SEMA5A: variants seen among roughly 807,000 people sequenced by gnomAD.
SEMA5A encodes the protein semaphorin-5A.
SEMA5A carries 55 observed loss-of-function variants against 135.5 expected under a neutral mutation model. The observed-to-expected ratio is 0.41, with a 90% CI of 0.33 to 0.51. The LOEUF is 0.51. SEMA5A is among the 20% of genes least tolerant of loss of function. SEMA5A has a pLI of 0.37. For missense variants in SEMA5A, 1,290 were observed against 1,419.9 expected (o/e 0.91, Z 1.47); for synonymous variants, 580 against 546.5 (o/e 1.06, Z -0.85).
intron 12 of SEMA5A, among the ~76,000 whole-genome samples, chr5:9,150,405 A>G (rs530251336): frequency 2.2e-4 from 33 of 152,312 alleles, no homozygotes; most frequent in Non-Finnish European, 3.8e-4. Context: ...CCCAGAGATC[A>G]CCACCAATTC....
At chr5:9,132,036 C>A (rs933995571) in intron 13 of SEMA5A, among the ~76,000 whole-genome samples, 1 of 152,176 alleles carries the variant, frequency 6.6e-6, no homozygotes, top group Non-Finnish European at 1.5e-5. Flanking sequence ...TTAGATTTTA[C>A]TGATGCACTT....
At chr5:9,319,772 C>T (rs1752544145) in intron 4 of SEMA5A, among the ~76,000 whole-genome samples, 1 of 140,982 alleles carries the variant, frequency 7.1e-6, no homozygotes, top group African/African-American at 2.7e-5. Context: ...AAGGTCACTT[C>T]TTATTGGTTT....
At chr5:9,334,809 A>AAAAGGT (rs1389395408) in intron 4 of SEMA5A, among the ~76,000 whole-genome samples, 2 of 152,192 alleles carry the variant, frequency 1.3e-5, no homozygotes, top group Non-Finnish European at 2.9e-5. Flanking sequence ...ATAAACATAT[A>AAAAGGT]AAAGGTTGTT....
At chr5:9,375,191 G>A (rs1755312893) in intron 3 of SEMA5A, among the ~76,000 whole-genome samples, 1 of 152,098 alleles carries the variant, frequency 6.6e-6, no homozygotes, top group African/African-American at 2.4e-5. Flanking sequence ...TCCGATAAAT[G>A]CTGCCTTTTA....
Position 9,036,398 on chromosome 5 carries a change from T to A in SEMA5A, c.*6499A>T, listed in dbSNP as rs1735656179. 6.8e-6 allele frequency: 1 copy of A among 146,998 alleles called. No homozygotes were observed. The highest frequency in any genetic ancestry group is 1.9e-4 in the East Asian group (1 of 5,180). The allele number at this position is 146,998 out of a possible 1,614,324, so 9.1% of individuals were successfully genotyped here. A position where few individuals can be genotyped will look rare whatever the true frequency, so the allele number is the denominator to read the frequency against. ...ATAATCAGGCAATGTTGTAGGTGGT[T>A]CTCATTCCATGCTCACTGTATCTAT... On this transcript the variant is annotated 3_prime_UTR_variant, in exon 23 of 23. Coordinates refer to ENST00000382496, the MANE Select transcript of SEMA5A (RefSeq NM_003966.3).
At chr5:9,201,750 G>A (rs532182451) in intron 9 of SEMA5A, among the ~76,000 whole-genome samples, 29 of 152,228 alleles carry the variant, frequency 1.9e-4, no homozygotes, top group East Asian at 3.9e-4. Context: ...TTGATTTGGC[G>A]TATTTTTCCT....
chr5:9,154,091 A>ATGTGTGTGTG (rs1314653012), intron 12 of SEMA5A, among the ~76,000 whole-genome samples: 9 of 80,168 alleles, frequency 1.1e-4, no homozygotes, highest in African/African-American at 3.1e-4. Flanking sequence ...ATATATATAT[A>ATGTGTGTGTG]TATGTGTGTG....
rs397996757 is a variant in SEMA5A, at chr5:9,388,469, G to GAAAA, written c.-77-8450_-77-8447dup. On this transcript the variant is annotated intron_variant, in intron 2 of 22. Coordinates refer to ENST00000382496, the MANE Select transcript of SEMA5A (RefSeq NM_003966.3). ...CTAAAGCAACAAAAGTCCTTTCTAA[G>GAAAA]AAAAAAAAAAAAAAGAAAAAGAAAA... Among the ~76,000 whole-genome samples, 91 of 110,518 alleles carry GAAAA rather than the reference G, an allele frequency of 8.2e-4. 1 individual carries two copies. Among genetic ancestry groups the GAAAA allele is most frequent in the African/African-American group, 2.9e-3 (87 of 29,614 alleles). 72.5% of individuals were successfully genotyped at this position (110,518 alleles called of 152,430 possible).
chr5:9,479,294 G>A (rs1189613057), intron 1 of SEMA5A, among the ~76,000 whole-genome samples: 4 of 151,952 alleles, frequency 2.6e-5, no homozygotes, highest in Admixed American at 1.3e-4. Flanking sequence ...GCTGAAGCAG[G>A]AGGATCACTT....
chr5:9,058,999 C>T (rs1737040054), intron 18 of SEMA5A, among the ~76,000 whole-genome samples: 1 of 152,212 alleles, frequency 6.6e-6, no homozygotes, highest in African/African-American at 2.4e-5. Flanking sequence ...ATCTATAGGA[C>T]ACACAACTGC....
intron 9 of SEMA5A, among the ~76,000 whole-genome samples, chr5:9,201,584 T>C (rs1438743812): frequency 6.6e-6 from 1 of 152,222 alleles, no homozygotes; most frequent in Non-Finnish European, 1.5e-5. Flanking sequence ...CTATTTTCAT[T>C]ATACACAAAT....
At chr5:9,499,950 T>C (rs1579640869) in intron 1 of SEMA5A, among the ~76,000 whole-genome samples, 1 of 151,812 alleles carries the variant, frequency 6.6e-6, no homozygotes, top group Non-Finnish European at 1.5e-5. Context: ...AAAAAAAAGG[T>C]TTTATTTTAC....
intron 2 of SEMA5A, among the ~76,000 whole-genome samples, chr5:9,385,020 G>C (rs150044613): frequency 6.6e-6 from 1 of 152,106 alleles, no homozygotes; most frequent in East Asian, 1.9e-4. Context: ...AATATATTAC[G>C]TGAGTTAATA....
At chr5:9,366,678 G>A (rs932932239) in intron 3 of SEMA5A, among the ~76,000 whole-genome samples, 1 of 152,200 alleles carries the variant, frequency 6.6e-6, no homozygotes, top group African/African-American at 2.4e-5. Flanking sequence ...GTGAGCCACC[G>A]CTCCCAGCCA....
chr5:9,465,177 C>G (rs1265816266), intron 1 of SEMA5A, among the ~76,000 whole-genome samples: 1 of 152,188 alleles, frequency 6.6e-6, no homozygotes, highest in Non-Finnish European at 1.5e-5. Context: ...TATGGGAACA[C>G]AGTCTCATTG....
chr5:9,361,298 C>CAA lies in SEMA5A; in HGVS notation c.124+18523_124+18524dup, dbSNP rs35091885. Among the ~76,000 whole-genome samples the CAA allele has an allele frequency of 5.7e-3, 727 of 127,760 alleles. 3 individuals carry two copies. Among genetic ancestry groups the CAA allele is most frequent in the African/African-American group, 0.015 (490 of 32,758 alleles). 83.8% of individuals were successfully genotyped at this position (127,760 alleles called of 152,430 possible). ...TGGGCAACAAAGCGAGACTCTGTCT[C>CAA]AAAAAAAAAAAAAAAATTGCAAACA... On this transcript the variant is annotated intron_variant, in intron 3 of 22. Transcript: ENST00000382496.
intron 1 of SEMA5A, among the ~76,000 whole-genome samples, chr5:9,454,678 C>T (rs1579567788): frequency 6.6e-6 from 1 of 152,288 alleles, no homozygotes; most frequent in Admixed American, 6.5e-5. Context: ...AGGTCCAAAG[C>T]CCTCACTTTA....
At chr5:9,538,320 G>C (rs912432291) in intron 1 of SEMA5A, among the ~76,000 whole-genome samples, 1 of 152,064 alleles carries the variant, frequency 6.6e-6, no homozygotes, top group Non-Finnish European at 1.5e-5. Context: ...AAATACTCAG[G>C]CTCTGGGCAT....
chr5:9,375,554 T>C (rs887005377), intron 3 of SEMA5A, among the ~76,000 whole-genome samples: 8 of 150,334 alleles, frequency 5.3e-5, no homozygotes, highest in Non-Finnish European at 5.9e-5. Context: ...ATTTTGGACT[T>C]CTGGCCTCCA....
Sources: gnomAD v4.1 joint callset for allele counts (sites outside exome capture counted in the v4.1 genomes callset) on GRCh38, gnomAD v4.1.1 for gene constraint, MANE v1.5 for transcripts, NCBI Gene and HGNC (gene_info 2026-07-23, HGNC 2026-07-21) for gene names.